Variants in ENPEP observed in about 807,000 individuals in gnomAD.
ENPEP encodes AP-A.
Under a neutral mutation model 114.5 loss-of-function variants are expected in ENPEP, and 103 were observed. The observed-to-expected ratio is 0.90, with a 90% CI of 0.77 to 1.06. The LOEUF (loss-of-function observed/expected upper bound fraction) is 1.06, where lower values mean the gene tolerates loss of function less well. Ranked by LOEUF, ENPEP falls within the 50% of genes least tolerant of loss-of-function variation. ENPEP has a pLI of 0.00. For synonymous variants in ENPEP, 420 were observed against 422.0 expected (o/e 1.00, Z 0.06); for missense variants, 1,196 against 1,161.3 (o/e 1.03, Z -0.43).
At chr4:110,521,260 G>A (rs181856540) in intron 10 of ENPEP, among the ~76,000 whole-genome samples, 5 of 152,074 alleles carry the variant, frequency 3.3e-5, no homozygotes, top group African/African-American at 1.2e-4. Context: ...GTCCTAGCTA[G>A]TCAGGAGGCT....
At position 110,549,715 on chromosome 4, in the gene ENPEP, G is replaced by A. The variant is rs145584906; in HGVS notation, c.2331-1G>A. On this transcript the variant is annotated splice_acceptor_variant, in intron 16 of 19. Transcript: ENST00000265162. LOFTEE classifies it high-confidence loss of function. ...CTCTGAAACACTGTTTCTTCTTCTA[G>A]CCTTCCCGTAAATCTCAGGCTTCTG... 10 of 1,612,680 alleles carry A rather than the reference G, an allele frequency of 6.2e-6. No homozygotes were observed. Among genetic ancestry groups the A allele is most frequent in the African/African-American group, 4.0e-5 (3 of 74,768 alleles).
intron 10 of ENPEP, among the ~76,000 whole-genome samples, chr4:110,530,031 G>A (rs894933376): frequency 1.2e-4 from 18 of 151,974 alleles, no homozygotes; most frequent in African/African-American, 1.9e-4. Flanking sequence ...AGCCGAGTCC[G>A]TGCCATTGCA....
intron 10 of ENPEP, among the ~76,000 whole-genome samples, chr4:110,530,102 G>A (rs1726349286): frequency 6.6e-6 from 1 of 151,948 alleles, no homozygotes; most frequent in African/African-American, 2.4e-5. Flanking sequence ...AGAGAAAGGG[G>A]TCTAAGGAGA....
chr4:110,545,641 C>G (rs543105923), intron 13 of ENPEP, among the ~76,000 whole-genome samples: 48 of 152,050 alleles, frequency 3.2e-4, no homozygotes, highest in Admixed American at 3.1e-3. Context: ...GATGTGCTGC[C>G]TACTTTTGGT....
chr4:110,528,564 C>A (rs1203524973), intron 10 of ENPEP, among the ~76,000 whole-genome samples: 1 of 152,176 alleles, frequency 6.6e-6, no homozygotes, highest in East Asian at 1.9e-4. Flanking sequence ...CTGACTAGAA[C>A]CTTTTTATAA....
In ENPEP at chr4:110,486,577, G is replaced by A. The variant is rs73842131; in HGVS notation, c.645-1964G>A. 3.9e-3 allele frequency among the ~76,000 whole-genome samples: 586 copies of A among 152,166 alleles called. 3 individuals are homozygous for A. Among genetic ancestry groups the A allele is most frequent in the African/African-American group, 0.013 (554 of 41,508 alleles). The stretch of plus-strand genomic sequence containing the variant: ...TCAGATCTCGGCAAACCAAGAGATT[G>A]TGACCACTCTACCTAATGTTGTTTA... On this transcript the variant is annotated intron_variant, in intron 1 of 19. Transcript: ENST00000265162.
chr4:110,481,050 G>A (rs971928723), intron 1 of ENPEP, among the ~76,000 whole-genome samples: 5 of 152,016 alleles, frequency 3.3e-5, no homozygotes, highest in Admixed American at 2.0e-4. Context: ...TCCAAGATTT[G>A]GCTTTTCCTT....
intron 1 of ENPEP, among the ~76,000 whole-genome samples, chr4:110,482,095 C>T (rs1270725006): frequency 1.3e-5 from 2 of 152,118 alleles, no homozygotes; most frequent in African/African-American, 4.8e-5. Context: ...GGAGAAATTA[C>T]CCCATGACTT....
intron 3 of ENPEP, among the ~76,000 whole-genome samples, chr4:110,504,098 G>C (rs1725267195): frequency 6.6e-6 from 1 of 152,178 alleles, no homozygotes; most frequent in South Asian, 2.1e-4. Context: ...CTGCAGCCTG[G>C]AGGCAGCAGG....
At chr4:110,504,028 G>C (rs1725262487) in intron 3 of ENPEP, among the ~76,000 whole-genome samples, 1 of 152,196 alleles carries the variant, frequency 6.6e-6, no homozygotes, top group African/African-American at 2.4e-5. Context: ...GCAGATCTCA[G>C]CTTGGCACTC....
In ENPEP at chr4:110,556,311, C is replaced by T. The variant is rs192426403; in HGVS notation, c.2642+2856C>T. ...CTCCTATTGTCATATTACTGTTTCT[C>T]CTTGAGTTTTTCCATGGCTGTTTAC... On this transcript the variant is annotated intron_variant, in intron 18 of 19. Coordinates refer to ENST00000265162, the MANE Select transcript of ENPEP (RefSeq NM_001977.4). Among the ~76,000 whole-genome samples, 708 of 151,576 alleles carry T rather than the reference C, an allele frequency of 4.7e-3. 1 individual carries two copies. Among genetic ancestry groups the T allele is most frequent in the Non-Finnish European group, 6.9e-3 (469 of 67,848 alleles).
intron 1 of ENPEP, among the ~76,000 whole-genome samples, chr4:110,478,201 G>T (rs1724186086): frequency 6.6e-6 from 1 of 152,168 alleles, no homozygotes; most frequent in South Asian, 2.1e-4. Flanking sequence ...TTGTCAGACA[G>T]ACCCACGGAC....
chr4:110,553,380 A>G lies in ENPEP; in HGVS notation c.2567A>G (p.Tyr856Cys), dbSNP rs751193918. The change falls in exon 18 of 20, where the codon TAT becomes TGT. Residue 856 changes from tyrosine to cysteine, a missense_variant. By Grantham distance (194) the Tyr-to-Cys change is radical (BLOSUM62 -2). Coordinates refer to ENST00000265162, the MANE Select transcript of ENPEP (RefSeq NM_001977.4). ...KTQDVFTVIR[Y>C]ISYNSYGKNM... Reference sequence around the variant, plus strand: ...CAGGATGTGTTTACAGTCATTCGATATATCTCATATAACAGCTATGGGAAG... The same window carrying G: ...CAGGATGTGTTTACAGTCATTCGATGTATCTCATATAACAGCTATGGGAAG... The G allele has an allele frequency of 1.9e-6, 3 of 1,611,650 alleles. No individual in the cohort carries two copies. The highest frequency in any genetic ancestry group is 1.7e-4 in the Middle Eastern group (1 of 6,056).
chr4:110,563,958 A>G lies in ENPEP; in HGVS notation c.*2400A>G, dbSNP rs892886904. The G allele has an allele frequency of 1.3e-5, 2 of 152,204 alleles. No homozygotes were observed. Among genetic ancestry groups the G allele is most frequent in the Non-Finnish European group, 2.9e-5 (2 of 68,038 alleles). 9.4% of individuals were successfully genotyped at this position (152,204 alleles called of 1,614,324 possible). A position where few individuals can be genotyped will look rare whatever the true frequency, so the allele number is the denominator to read the frequency against. ...TGGTGAAGTGTTAGTCCAAAAGTAG[A>G]AACAACAGAGTAGGGGCAAAAATCT... On this transcript the variant is annotated 3_prime_UTR_variant, in exon 20 of 20. Coordinates refer to ENST00000265162, the MANE Select transcript of ENPEP (RefSeq NM_001977.4).
chr4:110,518,402 G>A (rs144347117), intron 8 of ENPEP, among the ~76,000 whole-genome samples: 4 of 152,150 alleles, frequency 2.6e-5, no homozygotes, highest in East Asian at 3.9e-4. Flanking sequence ...GTTTCCTTTT[G>A]TGCTCACTGA....
At chr4:110,557,211 A>G (rs1286680693) in intron 18 of ENPEP, among the ~76,000 whole-genome samples, 1 of 152,216 alleles carries the variant, frequency 6.6e-6, no homozygotes, top group Non-Finnish European at 1.5e-5. Context: ...AAGACATAAC[A>G]TGTCATAGAG....
chr4:110,477,147 T>A, intron 1 of ENPEP, 89 bp downstream of exon 1: 1 of 1,478,856 alleles, frequency 6.8e-7, no homozygotes, highest in Non-Finnish European at 9.0e-7. Flanking sequence ...CGCTTTTAAT[T>A]ATTTTGTTGG....
Position 110,561,661 on chromosome 4 carries a change from A to G in ENPEP, c.*103A>G. On this transcript the variant is annotated 3_prime_UTR_variant, in exon 20 of 20. Transcript: ENST00000265162. ...ACGATGGAGAGAGCCTTATAAACAG[A>G]TAATGCTTTTACTAAGCACTGTGTT... is the stretch of plus-strand genomic sequence containing the variant. 9.0e-7 allele frequency: 1 copy of G among 1,115,796 alleles called. No individual in the cohort carries two copies. The highest frequency in any genetic ancestry group is 1.3e-6 in the Non-Finnish European group (1 of 789,236). The allele number at this position is 1,115,796 out of a possible 1,614,324, so 69.1% of individuals were successfully genotyped here.
chr4:110,506,943 G>A (rs1578399671), intron 4 of ENPEP, among the ~76,000 whole-genome samples, 186 bp downstream of exon 4: 1 of 152,098 alleles, frequency 6.6e-6, no homozygotes, highest in East Asian at 1.9e-4. Flanking sequence ...AGGATTACAG[G>A]CCTAATCAAC....
Sources: gnomAD v4.1 joint callset for allele counts (sites outside exome capture counted in the v4.1 genomes callset) on GRCh38, gnomAD v4.1.1 for gene constraint, MANE v1.5 for transcripts, NCBI Gene and HGNC (gene_info 2026-07-23, HGNC 2026-07-21) for gene names.